Variants in P2RX7 observed in about 807,000 individuals in gnomAD.
P2RX7 encodes the protein P2X purinoceptor 7.
Under a neutral mutation model 71.6 loss-of-function variants are expected in P2RX7, and 62 were observed. That is an observed-to-expected ratio of 0.87 (90% CI 0.71 to 1.07). The LOEUF is 1.07. P2RX7 is among the 50% of genes least tolerant of loss of function. The pLI, the probability that P2RX7 is intolerant of heterozygous loss-of-function variation, is 0.00. For missense variants in P2RX7, 686 were observed against 748.5 expected (o/e 0.92, Z 0.97); for synonymous variants, 299 against 283.3 (o/e 1.06, Z -0.56).
At chr12:121,153,095 A>G (rs1279572740) in intron 1 of P2RX7, among the ~76,000 whole-genome samples, 9 of 152,236 alleles carry the variant, frequency 5.9e-5, no homozygotes, top group Admixed American at 5.2e-4. Flanking sequence ...GCTATGCATT[A>G]GAATCACTTG....
intron 11 of P2RX7, among the ~76,000 whole-genome samples, chr12:121,179,263 C>T (rs1463701485): frequency 6.6e-6 from 1 of 152,006 alleles, no homozygotes; most frequent in Non-Finnish European, 1.5e-5. Context: ...CTTTGGGAGG[C>T]CAAGGAGGGT....
intron 6 of P2RX7, 57 bp from the exon 7 acceptor site, chr12:121,166,001 A>C: frequency 2.6e-6 from 4 of 1,557,090 alleles, no homozygotes; most frequent in Non-Finnish European, 3.5e-6. Context: ...TGGGAAAGAG[A>C]CAGATCTGTT....
chr12:121,165,296 G>A (rs111523460), intron 5 of P2RX7, 61 bp from the exon 6 acceptor site: 1 of 1,310,534 alleles, frequency 7.6e-7, no homozygotes. Context: ...GGTCCCACTG[G>A]CCCATGGGCT....
intron 11 of P2RX7, among the ~76,000 whole-genome samples, chr12:121,179,859 A>T (rs1430932872): frequency 6.6e-6 from 1 of 152,138 alleles, no homozygotes. Flanking sequence ...GTTAAGATGC[A>T]TGGGGTTCCG....
At chr12:121,165,996 AAG>A in intron 6 of P2RX7, 60 bp from the exon 7 acceptor site, 3 of 1,541,656 alleles carry the variant, frequency 1.9e-6, no homozygotes, top group Non-Finnish European at 2.7e-6. Flanking sequence ...ACTCCTGGGA[AAG>A]AGACAGATCT....
At chr12:121,138,367 G>A (rs1204433168) in intron 1 of P2RX7, among the ~76,000 whole-genome samples, 7 of 152,244 alleles carry the variant, frequency 4.6e-5, no homozygotes, top group African/African-American at 1.7e-4. Context: ...AGTCTTTCCT[G>A]ATAGCTCTGC....
intron 1 of P2RX7, among the ~76,000 whole-genome samples, chr12:121,146,072 C>G (rs961374717): frequency 2.0e-5 from 3 of 152,108 alleles, no homozygotes; most frequent in African/African-American, 4.8e-5. Flanking sequence ...TTATACTGAG[C>G]CACAATCTAT....
chr12:121,175,310 C>CAAAAAAAAAAAAA lies in P2RX7; in HGVS notation c.882-71_882-59dup, dbSNP rs370710698. The stretch of plus-strand genomic sequence containing the variant: ...TGGGTGACAGCGTGAGACCCTGTCT[C>CAAAAAAAAAAAAA]AAAAAAAAAAAAAAAAAAACCCAAA... On this transcript the variant is annotated intron_variant, in intron 8 of 12. Transcript: ENST00000328963. The CAAAAAAAAAAAAA allele has an allele frequency of 9.4e-4, 442 of 467,938 alleles. 3 individuals carry two copies. Among genetic ancestry groups the CAAAAAAAAAAAAA allele is most frequent in the African/African-American group, 3.4e-3 (92 of 27,294 alleles). The allele number at this position is 467,938 out of a possible 1,614,324, so 29.0% of individuals were successfully genotyped here.
chr12:121,157,555 C>A lies in P2RX7; in HGVS notation c.363+1408C>A, dbSNP rs1204452930. On this transcript the variant is annotated intron_variant, in intron 3 of 12. Transcript: ENST00000328963. ...TTCCCAGCAGTGTTCCGTCTCCAAT[C>A]CAGTTTGGGGGCCTGTTTCCCTTTT... is the stretch of plus-strand genomic sequence containing the variant. Among the ~76,000 whole-genome samples, 18 of 152,318 alleles carry A rather than the reference C, an allele frequency of 1.2e-4. No individual in the cohort carries two copies. In the East Asian group the frequency reaches 3.3e-3, roughly 28 times the overall value.
rs1884924585 is a variant in P2RX7 at position 121,186,685 on chromosome 12, C to T, written c.*1883C>T. ...AGGAGTTCGAGACCAGCCTGGCCAA[C>T]ATGGTGAGACCCTGTCTCTACTAAG... is the stretch of plus-strand genomic sequence containing the variant. On this transcript the variant is annotated 3_prime_UTR_variant, in exon 13 of 13. Transcript: ENST00000328963. The T allele has an allele frequency of 6.6e-6, 1 of 152,128 alleles. No individual in the cohort carries two copies. Among genetic ancestry groups the T allele is most frequent in the Non-Finnish European group, 1.5e-5 (1 of 68,064 alleles). 9.4% of individuals were successfully genotyped at this position (152,128 alleles called of 1,614,324 possible).
intron 1 of P2RX7, among the ~76,000 whole-genome samples, chr12:121,147,900 A>G (rs1876554956): frequency 1.3e-5 from 2 of 152,074 alleles, no homozygotes; most frequent in Admixed American, 1.3e-4. Flanking sequence ...TGAGTGAGCC[A>G]CCGAGCCCAG....
chr12:121,179,986 C>T (rs1350390692), intron 11 of P2RX7, among the ~76,000 whole-genome samples: 1 of 151,878 alleles, frequency 6.6e-6, no homozygotes, highest in Non-Finnish European at 1.5e-5. Flanking sequence ...CCCGTCTCTA[C>T]TAAAAATACA....
chr12:121,180,512 A>G, intron 12 of P2RX7, 57 bp downstream of exon 12: 1 of 824,354 alleles, frequency 1.2e-6, no homozygotes, highest in East Asian at 2.7e-5. Context: ...TGTTAAATAT[A>G]AACACATCTA....
intron 1 of P2RX7, among the ~76,000 whole-genome samples, chr12:121,136,637 T>C (rs1397835714): frequency 6.9e-6 from 1 of 145,806 alleles, no homozygotes; most frequent in Non-Finnish European, 1.5e-5. Context: ...TTCCTTTTCT[T>C]TCTTTCTTTC....
In P2RX7 at chr12:121,175,477, C is replaced by T; in HGVS notation, c.971C>T (p.Thr324Ile). ...GIRFDILVFG[T>I]GGKFDIIQLV... ...CGTTTTGACATCCTGGTTTTTGGCACCGTAAGTCTCGTTTCCCAGCTCCGG... is the reference window on the plus strand; with the variant it reads ...CGTTTTGACATCCTGGTTTTTGGCATCGTAAGTCTCGTTTCCCAGCTCCGG... The change falls in exon 9 of 13, where the codon ACC (threonine) becomes ATC (isoleucine). Residue 324 changes from threonine (T) to isoleucine (I), a missense_variant and splice_region_variant. Transcript: ENST00000328963. The T allele has an allele frequency of 2.3e-6, 3 of 1,310,154 alleles. No individual in the cohort carries two copies. The highest frequency in any genetic ancestry group is 3.3e-6 in the Non-Finnish European group (3 of 902,436). The allele number at this position is 1,310,154 out of a possible 1,614,324, so 81.2% of individuals were successfully genotyped here. A position where few individuals can be genotyped will look rare whatever the true frequency, so the allele number is the denominator to read the frequency against.
intron 6 of P2RX7, among the ~76,000 whole-genome samples, chr12:121,165,853 A>T (rs1880899399): frequency 6.6e-6 from 1 of 151,858 alleles, no homozygotes; most frequent in African/African-American, 2.4e-5. Flanking sequence ...TTGGGGGGAG[A>T]CCCCAACACT....
intron 1 of P2RX7, among the ~76,000 whole-genome samples, chr12:121,139,189 G>C (rs657995): frequency 0.14 from 21,597 of 152,164 alleles, 2,444 homozygotes; most frequent in African/African-American, 0.32. Flanking sequence ...TGATCTGCCC[G>C]CCTCGGCCTG....
At chr12:121,164,097 C>A (rs1193303185) in intron 5 of P2RX7, among the ~76,000 whole-genome samples, 1 of 152,166 alleles carries the variant, frequency 6.6e-6, no homozygotes, top group Non-Finnish European at 1.5e-5. Context: ...TCAAGACAAG[C>A]GGCCCTTGAC....
Position 121,132,964 on chromosome 12 carries a change from T to G in P2RX7, c.-7T>G. Reference sequence around the variant, plus strand: ...TCCAGCTCCGCGCAGGGAGGGAGGCTGTCACCATGCCGGCCTGCTGCAGCT... The same window carrying G: ...TCCAGCTCCGCGCAGGGAGGGAGGCGGTCACCATGCCGGCCTGCTGCAGCT... On this transcript the variant is annotated 5_prime_UTR_variant, in exon 1 of 13. Transcript: ENST00000328963. 1 of 1,613,282 alleles carries G rather than the reference T, an allele frequency of 6.2e-7. No homozygotes were observed. Among genetic ancestry groups the G allele is most frequent in the Non-Finnish European group, 8.5e-7 (1 of 1,179,872 alleles).
Sources: gnomAD v4.1 joint callset for allele counts (sites outside exome capture counted in the v4.1 genomes callset) on GRCh38, gnomAD v4.1.1 for gene constraint, MANE v1.5 for transcripts, NCBI Gene and HGNC (gene_info 2026-07-23, HGNC 2026-07-21) for gene names.